Variants in PCDHGA5 observed in about 807,000 individuals in gnomAD.
The protein encoded by PCDHGA5 is protocadherin gamma-A5.
In PCDHGA5, 36 loss-of-function variants were observed where a neutral mutation model predicts 56.7. That is an observed-to-expected ratio of 0.64 (90% CI 0.49 to 0.84). The LOEUF (loss-of-function observed/expected upper bound fraction) is 0.84. Ranked by LOEUF, PCDHGA5 falls within the 40% of genes least tolerant of loss-of-function variation. The probability of loss-of-function intolerance (pLI) is 0.00; values close to 1 mark genes in which losing one functional copy is unlikely to be tolerated. For synonymous variants in PCDHGA5, 563 were observed against 520.2 expected (o/e 1.08, Z -1.12); for missense variants, 1,305 against 1,201.5 (o/e 1.09, Z -1.27).
At chr5:141,376,171 G>C (rs758847977) in intron 1 of PCDHGA5, 5 of 1,614,096 alleles carry the variant, frequency 3.1e-6, no homozygotes. Flanking sequence ...TGGTGGTGGC[G>C]GTGGCCGCGG....
intron 1 of PCDHGA5, chr5:141,405,449 T>A: frequency 6.2e-6 from 8 of 1,283,878 alleles, no homozygotes; most frequent in South Asian, 1.4e-5. Context: ...AGACAGAGTC[T>A]TACTCTGTTA....
At chr5:141,460,912 GTA>G (rs34683754) in intron 1 of PCDHGA5, among the ~76,000 whole-genome samples, 12 of 149,310 alleles carry the variant, frequency 8.0e-5, no homozygotes, top group African/African-American at 7.4e-5. Flanking sequence ...ATTCCATGGT[GTA>G]TATATATATA....
Position 141,454,981 on chromosome 5 carries a change from A to T in PCDHGA5, c.2422-39826A>T, listed in dbSNP as rs528657512. 9.9e-3 allele frequency among the ~76,000 whole-genome samples: 1,486 copies of T among 150,680 alleles called. 32 individuals carry two copies. Among genetic ancestry groups the T allele is most frequent in the African/African-American group, 0.034 (1,392 of 41,092 alleles). On this transcript the variant is annotated intron_variant, in intron 1 of 3. Coordinates refer to ENST00000518069, the MANE Select transcript of PCDHGA5 (RefSeq NM_018918.3). ...GGCCACCACGCCTGGCTAATTTTTTAAAAAATATTTTTAGTAGAGACGGGG... is the reference window on the plus strand; with the variant it reads ...GGCCACCACGCCTGGCTAATTTTTTTAAAAATATTTTTAGTAGAGACGGGG...
chr5:141,476,747 C>T lies in PCDHGA5; in HGVS notation c.2422-18060C>T. The T allele has an allele frequency of 6.2e-7, 1 of 1,614,066 alleles. No homozygotes were observed. The highest frequency in any genetic ancestry group is 8.5e-7 in the Non-Finnish European group (1 of 1,180,036). On this transcript the variant is annotated intron_variant, in intron 1 of 3. Transcript: ENST00000518069. This position sits in a 1 kb window ranked among gnomAD's most constrained non-coding sequence, Gnocchi z 7.6. The stretch of plus-strand genomic sequence containing the variant: ...GGACCGAGAACGGGAGCCTAGTCTC[C>T]AGTTAGTGCTGACGGCGTTGGACGG...
chr5:141,474,518 G>T (rs1054372142), intron 1 of PCDHGA5, among the ~76,000 whole-genome samples: 1 of 152,168 alleles, frequency 6.6e-6, no homozygotes, highest in African/African-American at 2.4e-5. Context: ...CCTCTTGCTG[G>T]TCTGGCTAAT....
At chr5:141,417,940 C>G in intron 1 of PCDHGA5, 2 of 1,613,052 alleles carry the variant, frequency 1.2e-6, no homozygotes, top group Non-Finnish European at 1.7e-6. Context: ...TGTTCTACCC[C>G]ACGCTGTGTG....
intron 1 of PCDHGA5, chr5:141,395,626 G>A (rs57582939): frequency 0.038 from 6,997 of 184,208 alleles, 191 homozygotes; most frequent in African/African-American, 0.067. Context: ...TTATCAAGAA[G>A]TCTAAAGCCT....
rs1232672788 is a variant in PCDHGA5, at chr5:141,431,315, G to A, written c.2422-63492G>A. The A allele has an allele frequency of 6.2e-7, 1 of 1,614,080 alleles. No individual in the cohort carries two copies. Among genetic ancestry groups the A allele is most frequent in the South Asian group, 1.1e-5 (1 of 91,078 alleles). On this transcript the variant is annotated intron_variant, in intron 1 of 3. Coordinates refer to ENST00000518069, the MANE Select transcript of PCDHGA5 (RefSeq NM_018918.3). The surrounding 1 kb of genome is among the most constrained non-coding windows in gnomAD (Gnocchi z 4.8). ...CTTCTCCCTCATCGTGCAAAATGGAGCCGACGGTAGTAAGTACCCCGAATT... is the reference window on the plus strand; with the variant it reads ...CTTCTCCCTCATCGTGCAAAATGGAACCGACGGTAGTAAGTACCCCGAATT...
chr5:141,413,932 G>T (rs762255781), intron 1 of PCDHGA5: 2 of 1,613,426 alleles, frequency 1.2e-6, no homozygotes, highest in Admixed American at 1.7e-5. Context: ...AGAATACCGA[G>T]TGAGTGTTCC....
chr5:141,472,980 C>CAAAAAAAAAAAAAAAAAAAA (rs60579131), intron 1 of PCDHGA5, among the ~76,000 whole-genome samples: 7 of 86,088 alleles, frequency 8.1e-5, no homozygotes, highest in South Asian at 4.3e-4. Flanking sequence ...GAGTGAAACT[C>CAAAAAAAAAAAAAAAAAAAA]AAAAAAAAAA....
chr5:141,364,881 G>T lies in PCDHGA5; in HGVS notation c.551G>T (p.Ser184Ile), dbSNP rs1274418788. ...SNLHFSLDVV[S>I]GTDGQKYPEL... ...CTGCACTTCTCTCTGGATGTGGTAA[G>T]CGGAACTGATGGACAAAAGTATCCG... The change falls in exon 1 of 4, where the codon AGC (serine) becomes ATC (isoleucine). Residue 184 changes from serine to isoleucine, a missense_variant. Coordinates refer to ENST00000518069, the MANE Select transcript of PCDHGA5 (RefSeq NM_018918.3). 5 of 1,614,016 alleles carry T rather than the reference G, an allele frequency of 3.1e-6. No individual in the cohort carries two copies. Among genetic ancestry groups the T allele is most frequent in the Non-Finnish European group, 4.2e-6 (5 of 1,179,894 alleles).
At chr5:141,422,040 C>T (rs1045003805) in intron 1 of PCDHGA5, 10 of 1,611,324 alleles carry the variant, frequency 6.2e-6, no homozygotes, top group African/African-American at 4.0e-5. Context: ...CGGATCCAGA[C>T]GAGGGAATCA....
intron 1 of PCDHGA5, chr5:141,411,443 G>A (rs780563062): frequency 6.6e-6 from 1 of 151,948 alleles, no homozygotes; most frequent in African/African-American, 2.4e-5. Context: ...CATTAGCAGA[G>A]TGTGGTAGCA....
chr5:141,368,577 T>G (rs1765736548), intron 1 of PCDHGA5, among the ~76,000 whole-genome samples: 1 of 152,068 alleles, frequency 6.6e-6, no homozygotes, highest in Admixed American at 6.5e-5. Flanking sequence ...CTTCTTAGGG[T>G]AAGGTGTTTG....
intron 1 of PCDHGA5, among the ~76,000 whole-genome samples, chr5:141,481,836 G>A (rs1435746995): frequency 2.7e-5 from 4 of 150,638 alleles, no homozygotes; most frequent in Non-Finnish European, 5.9e-5. Context: ...CAGGAGAATC[G>A]CTTGATGGTG....
rs911954966 is a variant in PCDHGA5, at chr5:141,491,081, C to G, written c.2422-3726C>G. On this transcript the variant is annotated intron_variant, in intron 1 of 3. Coordinates refer to ENST00000518069, the MANE Select transcript of PCDHGA5 (RefSeq NM_018918.3). This position sits in a 1 kb window ranked among gnomAD's most constrained non-coding sequence, Gnocchi z 6.9. ...TCCTACTCACTGTTGCCACAGTCCACAGCCCCAGGACTGTTCCTCGTGTCT... is the reference window on the plus strand; with the variant it reads ...TCCTACTCACTGTTGCCACAGTCCAGAGCCCCAGGACTGTTCCTCGTGTCT... The G allele has an allele frequency of 4.3e-6, 7 of 1,614,176 alleles. No individual in the cohort carries two copies. Among genetic ancestry groups the G allele is most frequent in the Non-Finnish European group, 5.9e-6 (7 of 1,180,010 alleles).
In PCDHGA5 at chr5:141,431,468, G is replaced by C. The variant is rs756718016; in HGVS notation, c.2422-63339G>C. 4 of 1,613,804 alleles carry C rather than the reference G, an allele frequency of 2.5e-6. No homozygotes were observed. Among genetic ancestry groups the C allele is most frequent in the Non-Finnish European group, 3.4e-6 (4 of 1,179,964 alleles). On this transcript the variant is annotated intron_variant, in intron 1 of 3. Coordinates refer to ENST00000518069, the MANE Select transcript of PCDHGA5 (RefSeq NM_018918.3). The surrounding 1 kb of genome is among the most constrained non-coding windows in gnomAD (Gnocchi z 4.8). Reference sequence around the variant, plus strand: ...CCGCGTGATGGTTCTGGATGCGAACGACAACGCACCAGCGTTTGCTCAGCC... The same window carrying C: ...CCGCGTGATGGTTCTGGATGCGAACCACAACGCACCAGCGTTTGCTCAGCC...
intron 1 of PCDHGA5, chr5:141,441,726 C>A: frequency 2.8e-6 from 1 of 353,524 alleles, no homozygotes; most frequent in Non-Finnish European, 5.6e-6. Flanking sequence ...GGCCCGCGAC[C>A]AGGACTAGCT....
intron 1 of PCDHGA5, among the ~76,000 whole-genome samples, chr5:141,471,869 G>A (rs1234106506): frequency 6.6e-6 from 1 of 152,172 alleles, no homozygotes; most frequent in Non-Finnish European, 1.5e-5. Flanking sequence ...AACTGTGGTT[G>A]CCTGAGGCTG....
Sources: allele counts gnomAD v4.1 joint callset (sites outside exome capture counted in the v4.1 genomes callset), GRCh38; gene constraint gnomAD v4.1.1; non-coding constraint Gnocchi (gnomAD v3.1); transcripts MANE v1.5; gene names NCBI Gene and HGNC (gene_info 2026-07-23, HGNC 2026-07-21).